ZNF609: variants seen among roughly 807,000 people sequenced by gnomAD.
ZNF609 encodes zinc finger protein 609.
ZNF609 carries 11 observed loss-of-function variants against 109.5 expected under a neutral mutation model. That is an observed-to-expected ratio of 0.10 (90% confidence interval 0.06 to 0.17). ZNF609 has a LOEUF of 0.17. Ranked by LOEUF, ZNF609 falls within the 10% of genes least tolerant of loss-of-function variation. ZNF609 has a pLI of 1.00. For synonymous variants in ZNF609, 646 were observed against 662.0 expected, an observed-to-expected ratio of 0.98 and a Z score of 0.37; for missense variants, 1,559 against 1,772.4, an observed-to-expected ratio of 0.88 and a Z score of 2.16.
intron 2 of ZNF609, among the ~76,000 whole-genome samples, chr15:64,588,426 T>TG (rs1895235452): frequency 3.4e-4 from 2 of 5,896 alleles, no homozygotes. Context: ...ACACTCTGTC[T>TG]AAAAAAAAAA....
At chr15:64,498,729 A>G (rs768484427) in intron 1 of ZNF609, among the ~76,000 whole-genome samples, 1 of 151,878 alleles carries the variant, frequency 6.6e-6, no homozygotes, top group African/African-American at 2.4e-5. Flanking sequence ...CTGAAGTTGC[A>G]TTTTCCCCAG....
At chr15:64,666,541 T>C (rs1447862948) in intron 3 of ZNF609, among the ~76,000 whole-genome samples, 1 of 152,170 alleles carries the variant, frequency 6.6e-6, no homozygotes, top group Non-Finnish European at 1.5e-5. Context: ...CCTTGCTCTG[T>C]CGCCGAGGCT....
chr15:64,512,583 C>G lies in ZNF609; in HGVS notation c.747+12417C>G, dbSNP rs372570960. 1.4e-4 allele frequency among the ~76,000 whole-genome samples: 21 copies of G among 152,206 alleles called. No homozygotes were observed. In the East Asian group the frequency reaches 3.9e-3, roughly 28 times the overall value. Reference sequence around the variant, plus strand: ...TCTGGATGCATTCAAAGTAAACATGCTGTTTTAGGAAGAGGAAATATCGCA... The same window carrying G: ...TCTGGATGCATTCAAAGTAAACATGGTGTTTTAGGAAGAGGAAATATCGCA... On this transcript the variant is annotated intron_variant, in intron 2 of 9. Transcript: ENST00000326648.
chr15:64,675,359 C>T lies in ZNF609; in HGVS notation c.2505C>T (p.Ala835=). ...TGGTGACCCAGAATGGAGCTGAAGC[C>T]AGCTCAGTCAAAACCAACAGCCCTG... ...LHVVTQNGAE[A]SSVKTNSPAY... Residue 835 remains alanine (A), a synonymous_variant, in exon 5 of 10, where the codon GCC becomes GCT. Transcript: ENST00000326648. 6.2e-6 allele frequency: 10 copies of T among 1,614,018 alleles called. No homozygotes were observed. Among genetic ancestry groups the T allele is most frequent in the Non-Finnish European group, 8.5e-6 (10 of 1,179,942 alleles).
chr15:64,530,079 A>T (rs777894680), intron 2 of ZNF609, among the ~76,000 whole-genome samples: 3 of 148,980 alleles, frequency 2.0e-5, no homozygotes, highest in Non-Finnish European at 4.5e-5. Flanking sequence ...CAGTGGTGTG[A>T]TCTCGGCTCA....
chr15:64,578,975 C>T (rs1335073192), intron 2 of ZNF609, among the ~76,000 whole-genome samples: 1 of 152,018 alleles, frequency 6.6e-6, no homozygotes, highest in Non-Finnish European at 1.5e-5. Flanking sequence ...ATATTCCAGC[C>T]TGGGTGACAG....
chr15:64,620,415 A>C (rs889522989), intron 2 of ZNF609, among the ~76,000 whole-genome samples: 100 of 152,202 alleles, frequency 6.6e-4, no homozygotes, highest in African/African-American at 2.3e-3. Context: ...AGTAGGGAGG[A>C]TCCAGTTTAC....
chr15:64,604,461 A>T (rs1267689094), intron 2 of ZNF609, among the ~76,000 whole-genome samples: 1 of 152,196 alleles, frequency 6.6e-6, no homozygotes, highest in Non-Finnish European at 1.5e-5. Context: ...TTTATAGCTG[A>T]CTGAAGAGCT....
At chr15:64,486,564 TA>T (rs1893337754) in intron 1 of ZNF609, among the ~76,000 whole-genome samples, 1 of 151,098 alleles carries the variant, frequency 6.6e-6, no homozygotes, top group African/African-American at 2.4e-5. Flanking sequence ...ATCCAAATAA[TA>T]GATAAATTAT....
chr15:64,615,468 T>G (rs1167532481), intron 2 of ZNF609, among the ~76,000 whole-genome samples: 1 of 151,730 alleles, frequency 6.6e-6, no homozygotes, highest in Non-Finnish European at 1.5e-5. Flanking sequence ...AACATAATGT[T>G]TAGTGTATTT....
At chr15:64,671,560 C>G (rs888342444) in intron 4 of ZNF609, among the ~76,000 whole-genome samples, 14 of 152,176 alleles carry the variant, frequency 9.2e-5, no homozygotes, top group Non-Finnish European at 1.8e-4. Flanking sequence ...ACGGGTTTCA[C>G]AAGGACCTTT....
chr15:64,635,096 G>A (rs911928100), intron 3 of ZNF609, among the ~76,000 whole-genome samples: 1 of 152,158 alleles, frequency 6.6e-6, no homozygotes, highest in African/African-American at 2.4e-5. Flanking sequence ...ATCTCCAGGG[G>A]AGAAAGAGAG....
intron 1 of ZNF609, among the ~76,000 whole-genome samples, chr15:64,481,234 A>G (rs1020221691): frequency 3.3e-5 from 5 of 152,180 alleles, no homozygotes; most frequent in Non-Finnish European, 7.3e-5. Context: ...AAAGAATGCA[A>G]GAGATCAAAA....
intron 3 of ZNF609, among the ~76,000 whole-genome samples, chr15:64,623,981 G>A (rs151098465): frequency 2.8e-4 from 43 of 152,276 alleles, no homozygotes; most frequent in African/African-American, 9.9e-4. Flanking sequence ...AATCATCTCT[G>A]ATTATCACAG....
intron 2 of ZNF609, among the ~76,000 whole-genome samples, chr15:64,530,968 A>G (rs2140371766): frequency 6.6e-6 from 1 of 152,324 alleles, no homozygotes; most frequent in Non-Finnish European, 1.5e-5. Context: ...CTGAGCTCAC[A>G]ATATCATGTG....
intron 2 of ZNF609, among the ~76,000 whole-genome samples, chr15:64,557,335 A>G (rs1894606242): frequency 6.6e-6 from 1 of 152,100 alleles, no homozygotes. Flanking sequence ...AGTTTGCACA[A>G]ATTTACTCTT....
intron 3 of ZNF609, among the ~76,000 whole-genome samples, chr15:64,663,138 G>A (rs1454606789): frequency 2.0e-5 from 3 of 152,102 alleles, no homozygotes; most frequent in Non-Finnish European, 4.4e-5. Flanking sequence ...GTTGAGAACA[G>A]GTCAGAAAGT....
Position 64,680,265 on chromosome 15 carries a change from G to T in ZNF609, c.3850G>T (p.Ala1284Ser), listed in dbSNP as rs771534558. Residue 1284 changes from alanine to serine, a missense_variant, in exon 7 of 10, where the codon GCC (alanine) becomes TCC (serine). Physicochemically the swap from Ala to Ser is moderately conservative, Grantham distance 99. This residue lies in a region of ZNF609 where 1,204 missense variants were observed against 1,314.1 expected (regional missense o/e 0.92). Transcript: ENST00000326648. ...TGGTGAAGATGCTGACAAGGCACGA[G>T]CCAGCCCCAGTGTGACTTGTAAATC... Reference protein sequence around the residue: ...SGGEDADKARASPSVTCKSSS... With the variant: ...SGGEDADKARSSPSVTCKSSS... 3 of 1,614,086 alleles carry T rather than the reference G, an allele frequency of 1.9e-6. No individual in the cohort carries two copies. The highest frequency in any genetic ancestry group is 1.6e-4 in the Middle Eastern group (1 of 6,084).
chr15:64,620,595 A>AGGCT (rs1478394556), intron 2 of ZNF609, among the ~76,000 whole-genome samples: 2 of 152,342 alleles, frequency 1.3e-5, no homozygotes, highest in African/African-American at 4.8e-5. Flanking sequence ...TTCATTATAC[A>AGGCT]GGCTTCTACT....
Sources: allele counts gnomAD v4.1 joint callset (sites outside exome capture counted in the v4.1 genomes callset), GRCh38; gene constraint gnomAD v4.1.1; regional missense constraint gnomAD v4.1.1; transcripts MANE v1.5; gene names NCBI Gene and HGNC (gene_info 2026-07-23, HGNC 2026-07-21).